CATSPERT: variants seen among roughly 807,000 people sequenced by gnomAD.
CATSPERT encodes the protein catsper channel auxiliary subunit tau.
At chr2:201,574,036 T>A in the CATSPERT span, among the ~76,000 whole-genome samples, 1 of 152,188 alleles carries the variant, frequency 6.6e-6, no homozygotes, top group Non-Finnish European at 1.5e-5. Context: ...TAGTAAAGTC[T>A]CATCTTTCTT....
chr2:201,527,615 T>A, the CATSPERT span, among the ~76,000 whole-genome samples: 1 of 151,876 alleles, frequency 6.6e-6, no homozygotes, highest in Non-Finnish European at 1.5e-5. Flanking sequence ...CACACCTACA[T>A]CCATCTGATT....
the CATSPERT span, among the ~76,000 whole-genome samples, chr2:201,528,206 A>G: frequency 6.6e-6 from 1 of 152,216 alleles, no homozygotes; most frequent in East Asian, 1.9e-4. Flanking sequence ...CAAAACCACA[A>G]TGAGTTAACA....
At chr2:201,487,606 C>A in the CATSPERT span, 1 of 1,608,206 alleles carries the variant, frequency 6.2e-7, no homozygotes, top group Non-Finnish European at 8.5e-7. Context: ...AATGAGCGAA[C>A]ATTTTTCAAT....
chr2:201,534,021 G>A, the CATSPERT span, among the ~76,000 whole-genome samples: 31 of 150,356 alleles, frequency 2.1e-4, no homozygotes, highest in Non-Finnish European at 3.5e-4. Context: ...AAGATTACAC[G>A]GAAAGAGAGA....
chr2:201,493,624 T>C, the CATSPERT span: 1 of 1,537,306 alleles, frequency 6.5e-7, no homozygotes, highest in South Asian at 1.2e-5. Context: ...AAATAGAATA[T>C]GTGATGACAA....
chr2:201,489,067 G>C, the CATSPERT span, among the ~76,000 whole-genome samples: 1 of 152,102 alleles, frequency 6.6e-6, no homozygotes, highest in Non-Finnish European at 1.5e-5. Context: ...TCTCTCTTCT[G>C]TCTTGATTCC....
At chr2:201,522,801 A>C in the CATSPERT span, among the ~76,000 whole-genome samples, 2 of 152,206 alleles carry the variant, frequency 1.3e-5, no homozygotes, top group Non-Finnish European at 2.9e-5. Flanking sequence ...ATATTCCTCT[A>C]GGTGATTTTG....
At chr2:201,514,693 C>G in the CATSPERT span, among the ~76,000 whole-genome samples, 2 of 152,342 alleles carry the variant, frequency 1.3e-5, no homozygotes, top group Middle Eastern at 3.4e-3. Flanking sequence ...GTATAAGTTT[C>G]TCTAGGAAGA....
the CATSPERT span, chr2:201,550,100 G>A: frequency 3.9e-5 from 6 of 152,056 alleles, no homozygotes; most frequent in Non-Finnish European, 7.4e-5. Flanking sequence ...ATTCAAAGAT[G>A]TATTACATCC....
At chr2:201,582,523 TACACA>T in the CATSPERT span, among the ~76,000 whole-genome samples, 1 of 152,274 alleles carries the variant, frequency 6.6e-6, no homozygotes, top group Non-Finnish European at 1.5e-5. Context: ...TTTTTAACAC[TACACA>T]AAAGTTCACC....
the CATSPERT span, among the ~76,000 whole-genome samples, chr2:201,586,514 C>A: frequency 6.6e-6 from 1 of 151,970 alleles, no homozygotes; most frequent in Non-Finnish European, 1.5e-5. Context: ...AACTACTACA[C>A]TAACAGATGT....
At chr2:201,545,332 T>C in the CATSPERT span, among the ~76,000 whole-genome samples, 63,903 of 151,908 alleles carry the variant, frequency 0.42, 14,059 homozygotes, top group East Asian at 0.75. Context: ...CCACCGTGCC[T>C]GGCCTTAAAA....
chr2:201,571,905 T>C, the CATSPERT span: 39 of 1,575,138 alleles, frequency 2.5e-5, no homozygotes, highest in Non-Finnish European at 3.1e-5. Flanking sequence ...AAGTGCCACA[T>C]GATCTGACCA....
chr2:201,491,049 T>G, the CATSPERT span: 2 of 838,028 alleles, frequency 2.4e-6, no homozygotes, highest in South Asian at 4.8e-5. Flanking sequence ...AAATTGGAGG[T>G]CTGTATGTCT....
the CATSPERT span, chr2:201,494,508 AG>A: frequency 2.6e-6 from 4 of 1,536,944 alleles, no homozygotes; most frequent in Admixed American, 2.0e-5. Flanking sequence ...TAGTAGGATC[AG>A]GGGCTAACTT....
the CATSPERT span, among the ~76,000 whole-genome samples, chr2:201,498,826 A>C: frequency 6.6e-6 from 1 of 152,256 alleles, no homozygotes; most frequent in Non-Finnish European, 1.5e-5. Flanking sequence ...TCACTCTCCC[A>C]AACATCAAAA....
chr2:201,595,906 CAAAAAAAA>C, the CATSPERT span, among the ~76,000 whole-genome samples: 1 of 142,084 alleles, frequency 7.0e-6, no homozygotes, highest in Non-Finnish European at 1.5e-5. Flanking sequence ...ACTAAAAACT[CAAAAAAAA>C]AAAAAAAAAA....
At chr2:201,572,995 A>T in the CATSPERT span, among the ~76,000 whole-genome samples, 12 of 152,320 alleles carry the variant, frequency 7.9e-5, no homozygotes, top group African/African-American at 2.9e-4. Flanking sequence ...GTGAAAAATG[A>T]TATGCAAATA....
chr2:201,487,456 T>C, the CATSPERT span: 3 of 708,656 alleles, frequency 4.2e-6, no homozygotes, highest in Non-Finnish European at 6.8e-6. Flanking sequence ...AACAAAATGG[T>C]TCTAACAAGA....
Sources: gnomAD v4.1 joint callset for allele counts (sites outside exome capture counted in the v4.1 genomes callset) on GRCh38, gnomAD v4.1.1 for gene constraint, MANE v1.5 for transcripts, NCBI Gene and HGNC (gene_info 2026-07-23, HGNC 2026-07-21) for gene names.